Variants in CDH13 observed in about 807,000 individuals in gnomAD.
The protein encoded by CDH13 is cadherin-13.
A neutral mutation model predicts 63.8 loss-of-function variants in CDH13; 24 were observed. The ratio of observed to expected loss-of-function variants is 0.38; its 90% CI spans 0.27 to 0.53. The LOEUF is 0.53. Among genes scored for constraint, CDH13 ranks in the 20% least tolerant of loss-of-function variants. The pLI, the probability that CDH13 is intolerant of heterozygous loss-of-function variation, is 0.85. For synonymous variants in CDH13, 503 were observed against 355.3 expected (o/e 1.42, Z -4.67); for missense variants, 1,049 against 903.1 (o/e 1.16, Z -2.07).
At chr16:82,744,828 C>A (rs1480845773) in intron 1 of CDH13, among the ~76,000 whole-genome samples, 7 of 152,146 alleles carry the variant, frequency 4.6e-5, no homozygotes, top group African/African-American at 1.7e-4. Flanking sequence ...TAGCCTCGGC[C>A]ATTTGTACAA....
At chr16:83,522,707 C>T (rs901355514) in intron 7 of CDH13, among the ~76,000 whole-genome samples, 1 of 152,212 alleles carries the variant, frequency 6.6e-6, no homozygotes, top group Non-Finnish European at 1.5e-5. Flanking sequence ...TCCCTGGGCC[C>T]TGTCGGGGTC....
In CDH13 at chr16:83,799,516, T is replaced by C. The variant is rs1597250202; in HGVS notation, c.*4486T>C. 6.6e-6 allele frequency: 1 copy of C among 152,198 alleles called. No homozygotes were observed. Among genetic ancestry groups the C allele is most frequent in the Non-Finnish European group, 1.5e-5 (1 of 68,016 alleles). The allele number at this position is 152,198 out of a possible 1,614,324, so 9.4% of individuals were successfully genotyped here. ...TTTGTAAAGGTAGCCCATAAATCTG[T>C]TTACGTGTAGCTGCCTTAAACATGA... On this transcript the variant is annotated 3_prime_UTR_variant, in exon 14 of 14. Coordinates refer to ENST00000567109, the MANE Select transcript of CDH13 (RefSeq NM_001257.5).
chr16:83,659,253 G>T (rs1913214412), intron 8 of CDH13, among the ~76,000 whole-genome samples: 1 of 149,762 alleles, frequency 6.7e-6, no homozygotes, highest in African/African-American at 2.5e-5. Flanking sequence ...CTCACCACCA[G>T]GTCCCATGTC....
At chr16:82,922,196 C>T (rs1344159291) in intron 2 of CDH13, among the ~76,000 whole-genome samples, 2 of 152,074 alleles carry the variant, frequency 1.3e-5, no homozygotes, top group Non-Finnish European at 2.9e-5. Flanking sequence ...ATTTTGTTGA[C>T]ATTTTCAAAG....
intron 3 of CDH13, among the ~76,000 whole-genome samples, chr16:83,094,661 C>A (rs1165345632): frequency 6.6e-6 from 1 of 152,150 alleles, no homozygotes; most frequent in African/African-American, 2.4e-5. Flanking sequence ...TGCTTCAGTT[C>A]CAAATAAAGG....
At chr16:83,546,350 G>C (rs1049723535) in intron 7 of CDH13, among the ~76,000 whole-genome samples, 4 of 151,958 alleles carry the variant, frequency 2.6e-5, no homozygotes, top group Non-Finnish European at 5.9e-5. Context: ...ACAGGTGATG[G>C]CTCAAGTGCC....
At chr16:83,157,491 A>T (rs1355189210) in intron 4 of CDH13, among the ~76,000 whole-genome samples, 1 of 152,212 alleles carries the variant, frequency 6.6e-6, no homozygotes, top group Non-Finnish European at 1.5e-5. Flanking sequence ...TAAAGTCTAA[A>T]TGCAGTTGAT....
At chr16:83,630,907 C>G (rs1910722276) in intron 8 of CDH13, among the ~76,000 whole-genome samples, 1 of 152,166 alleles carries the variant, frequency 6.6e-6, no homozygotes, top group Non-Finnish European at 1.5e-5. Context: ...TTCCCTTTAG[C>G]TTAGTAATTG....
At chr16:82,953,335 A>G (rs937383964) in intron 2 of CDH13, 1 of 152,184 alleles carries the variant, frequency 6.6e-6, no homozygotes, top group East Asian at 1.9e-4. Context: ...AAACAGATAC[A>G]CTTCTTAATG....
rs1555530631 is a variant in CDH13, at chr16:83,799,317, A to AG, written c.*4287_*4288insG. On this transcript the variant is annotated 3_prime_UTR_variant, in exon 14 of 14. Coordinates refer to ENST00000567109, the MANE Select transcript of CDH13 (RefSeq NM_001257.5). ...ACTCCGTCAAAAAAAAAAAAAAAAA[A>AG]AAAGAAAGAAAAGGAAATTTATGAA... 2.4e-4 allele frequency: 34 copies of AG among 143,602 alleles called. No homozygotes were observed. Among genetic ancestry groups the AG allele is most frequent in the African/African-American group, 8.4e-4 (32 of 38,272 alleles). The allele number at this position is 143,602 out of a possible 1,614,324, so 8.9% of individuals were successfully genotyped here. A position where few individuals can be genotyped will look rare whatever the true frequency, so the allele number is the denominator to read the frequency against.
Position 83,047,794 on chromosome 16 carries a change from C to T in CDH13, c.366+15576C>T, listed in dbSNP as rs561235048. 1.3e-5 allele frequency among the ~76,000 whole-genome samples: 2 copies of T among 152,286 alleles called. No individual in the cohort carries two copies. Among genetic ancestry groups the T allele is most frequent in the South Asian group, 2.1e-4 (1 of 4,814 alleles). ...TATTTAGCTCAAACGTTGTGCGGGGCACCACTTTAAGTGCATTTCTTACAT... is the reference window on the plus strand; with the variant it reads ...TATTTAGCTCAAACGTTGTGCGGGGTACCACTTTAAGTGCATTTCTTACAT... On this transcript the variant is annotated intron_variant, in intron 3 of 13. Coordinates refer to ENST00000567109, the MANE Select transcript of CDH13 (RefSeq NM_001257.5). The surrounding 1 kb of genome is among the most constrained non-coding windows in gnomAD (Gnocchi z 4.9).
intron 1 of CDH13, among the ~76,000 whole-genome samples, chr16:82,747,770 G>A (rs1234927554): frequency 6.6e-6 from 1 of 152,198 alleles, no homozygotes; most frequent in Non-Finnish European, 1.5e-5. Context: ...CGAATGTTGT[G>A]AAGTATGTCA....
intron 1 of CDH13, among the ~76,000 whole-genome samples, chr16:82,836,038 A>G (rs76948437): frequency 6.6e-6 from 1 of 152,188 alleles, no homozygotes; most frequent in African/African-American, 2.4e-5. Context: ...AGAATGTCTG[A>G]AATGCATTCT....
chr16:83,422,988 T>C (rs1410754642), intron 6 of CDH13, among the ~76,000 whole-genome samples: 2 of 152,164 alleles, frequency 1.3e-5, no homozygotes, highest in Non-Finnish European at 2.9e-5. Context: ...AAAGGTAAAT[T>C]AGACATGCAA....
chr16:83,589,012 T>C (rs1355475555), intron 7 of CDH13, among the ~76,000 whole-genome samples: 1 of 152,152 alleles, frequency 6.6e-6, no homozygotes, highest in Non-Finnish European at 1.5e-5. Context: ...AGCAGCACAA[T>C]ATATTATCCT....
At chr16:83,279,211 AG>A (rs2089086554) in intron 5 of CDH13, among the ~76,000 whole-genome samples, 1 of 152,100 alleles carries the variant, frequency 6.6e-6, no homozygotes. Flanking sequence ...GTCTAATATC[AG>A]GGCTAGATTT....
At chr16:82,761,016 TC>T (rs2034819888) in intron 1 of CDH13, among the ~76,000 whole-genome samples, 7 of 112,074 alleles carry the variant, frequency 6.2e-5, no homozygotes, top group East Asian at 3.6e-4. Context: ...TTTCTTTCTT[TC>T]TTTTTTTTTT....
At chr16:83,479,086 A>G (rs548017064) in intron 6 of CDH13, among the ~76,000 whole-genome samples, 1 of 152,278 alleles carries the variant, frequency 6.6e-6, no homozygotes, top group South Asian at 2.1e-4. Flanking sequence ...TTCCCTATCA[A>G]TTGCTGTCTA....
intron 2 of CDH13, among the ~76,000 whole-genome samples, chr16:82,999,386 C>T (rs1316752069): frequency 2.0e-5 from 3 of 152,112 alleles, no homozygotes; most frequent in Non-Finnish European, 4.4e-5. Context: ...AAGAGAATAC[C>T]ACTTGTTCTT....
Sources: gnomAD v4.1 joint callset for allele counts (sites outside exome capture counted in the v4.1 genomes callset) on GRCh38, gnomAD v4.1.1 for gene constraint, Gnocchi (gnomAD v3.1) non-coding constraint, MANE v1.5 for transcripts, NCBI Gene and HGNC (gene_info 2026-07-23, HGNC 2026-07-21) for gene names.